The following PCSK5 variants were observed in gnomAD, a reference collection of about 807,000 sequenced individuals.
PCSK5 encodes the protein proprotein convertase subtilisin/kexin type 5, also known as prohormone convertase 5.
In PCSK5, 129 loss-of-function variants were observed where a neutral mutation model predicts 233.2. The observed-to-expected ratio is 0.55, with a 90% CI of 0.48 to 0.64. The LOEUF (loss-of-function observed/expected upper bound fraction) is 0.64. PCSK5 is among the 30% of genes least tolerant of loss of function. The pLI is 0.00. For missense variants in PCSK5, 2,076 were observed against 2,430.1 expected (o/e 0.85, Z 3.06); for synonymous variants, 825 against 879.2 (o/e 0.94, Z 1.09).
intron 13 of PCSK5, among the ~76,000 whole-genome samples, chr9:76,172,690 G>A (rs962381753): frequency 2.0e-5 from 3 of 152,192 alleles, no homozygotes; most frequent in South Asian, 2.1e-4. Context: ...TTGTACACTT[G>A]AGAGATGCCA....
chr9:75,907,865 G>A (rs1340229572), intron 1 of PCSK5, among the ~76,000 whole-genome samples: 2 of 152,176 alleles, frequency 1.3e-5, no homozygotes. Context: ...AAACAGTCAG[G>A]TTTGGTGCGC....
intron 24 of PCSK5, among the ~76,000 whole-genome samples, chr9:76,258,822 A>G (rs1564140343): frequency 6.6e-6 from 1 of 152,202 alleles, no homozygotes; most frequent in Non-Finnish European, 1.5e-5. Flanking sequence ...GAGAGTGAGT[A>G]CGGTCATTTA....
At chr9:76,218,256 T>C (rs1382851026) in intron 20 of PCSK5, among the ~76,000 whole-genome samples, 1 of 152,158 alleles carries the variant, frequency 6.6e-6, no homozygotes, top group Admixed American at 6.5e-5. Context: ...TTGTTTGGTA[T>C]AGGGAGGCTG....
rs1563988548 is a variant in PCSK5, at chr9:76,040,365, C to CTG, written c.632+13329_632+13330insGT. 2.8e-4 allele frequency among the ~76,000 whole-genome samples: 18 copies of CTG among 65,020 alleles called. No homozygotes were observed. The East Asian group carries it at 5.3e-3, about 19-fold the overall frequency. 42.7% of individuals were successfully genotyped at this position (65,020 alleles called of 152,430 possible). A position where few individuals can be genotyped will look rare whatever the true frequency, so the allele number is the denominator to read the frequency against. On this transcript the variant is annotated intron_variant, in intron 5 of 37. Coordinates refer to ENST00000674117, the MANE Select transcript of PCSK5 (RefSeq NM_001372043.1). ...TCTCTCTCTCTCTCTCTCTCTCTCTCTCTCTCTCTCTCTCTCTCTGTCTCT... is the reference window on the plus strand; with the variant it reads ...TCTCTCTCTCTCTCTCTCTCTCTCTCTGTCTCTCTCTCTCTCTCTCTGTCTCT...
At chr9:75,904,225 C>T (rs759597731) in intron 1 of PCSK5, among the ~76,000 whole-genome samples, 23 of 152,100 alleles carry the variant, frequency 1.5e-4, no homozygotes, top group Admixed American at 2.6e-4. Context: ...CTAGATCCAG[C>T]CCTGCCATGA....
Position 76,203,033 on chromosome 9 carries a change from A to C in PCSK5, c.2626+13287A>C, listed in dbSNP as rs544603440. On this transcript the variant is annotated intron_variant, in intron 20 of 37. Transcript: ENST00000674117. ...GGAATAGCTCTGATCCAATACTTGGACAACTAAGTTCTAGCGTGAATTCTG... is the reference window on the plus strand; with the variant it reads ...GGAATAGCTCTGATCCAATACTTGGCCAACTAAGTTCTAGCGTGAATTCTG... 7.9e-5 allele frequency among the ~76,000 whole-genome samples: 12 copies of C among 152,320 alleles called. No individual in the cohort carries two copies. In the East Asian group the frequency reaches 2.1e-3, roughly 27 times the overall value.
chr9:76,139,028 A>G (rs1823092825), intron 10 of PCSK5, among the ~76,000 whole-genome samples: 1 of 152,100 alleles, frequency 6.6e-6, no homozygotes, highest in Non-Finnish European at 1.5e-5. Context: ...TTGACAGTCT[A>G]ACATGACTTC....
intron 3 of PCSK5, among the ~76,000 whole-genome samples, chr9:76,015,877 CT>C (rs1011214817): frequency 1.3e-5 from 2 of 152,192 alleles, no homozygotes; most frequent in African/African-American, 4.8e-5. Context: ...CCAGCCTCAA[CT>C]CTTCCCATTT....
intron 7 of PCSK5, among the ~76,000 whole-genome samples, chr9:76,095,297 T>C (rs1831462011): frequency 1.3e-5 from 2 of 152,142 alleles, no homozygotes; most frequent in African/African-American, 2.4e-5. Flanking sequence ...TAATTCAGCA[T>C]AGAGGCATAA....
chr9:76,234,257 CA>C (rs779040010), intron 22 of PCSK5, among the ~76,000 whole-genome samples: 4 of 151,924 alleles, frequency 2.6e-5, no homozygotes, highest in Non-Finnish European at 4.4e-5. Context: ...TGGGACATTG[CA>C]AATAAAAACT....
At chr9:76,253,206 G>A (rs1480783355) in intron 24 of PCSK5, among the ~76,000 whole-genome samples, 4 of 151,850 alleles carry the variant, frequency 2.6e-5, no homozygotes, top group Non-Finnish European at 5.9e-5. Context: ...GTCTCCATGG[G>A]CAGATGGGGA....
intron 5 of PCSK5, among the ~76,000 whole-genome samples, chr9:76,030,183 A>C (rs1018427435): frequency 3.9e-5 from 6 of 152,156 alleles, no homozygotes; most frequent in Non-Finnish European, 8.8e-5. Flanking sequence ...AGTTTACTTC[A>C]GTTTTCTGTT....
chr9:76,126,017 C>A lies in PCSK5; in HGVS notation c.1209-8092C>A, dbSNP rs560685224. Among the ~76,000 whole-genome samples, 6 of 152,218 alleles carry A rather than the reference C, an allele frequency of 3.9e-5. No individual in the cohort carries two copies. The South Asian group carries it at 1.2e-3, about 32-fold the overall frequency. On this transcript the variant is annotated intron_variant, in intron 9 of 37. Coordinates refer to ENST00000674117, the MANE Select transcript of PCSK5 (RefSeq NM_001372043.1). ...ATTATCAGGGATTCTGGAAAGATAG[C>A]ATTTTGGCATCCCAAGATATATAAT... is the stretch of plus-strand genomic sequence containing the variant.
chr9:76,240,860 T>C (rs1335081150), intron 24 of PCSK5, among the ~76,000 whole-genome samples, 176 bp downstream of exon 24: 5 of 152,238 alleles, frequency 3.3e-5, no homozygotes, highest in Non-Finnish European at 7.3e-5. Flanking sequence ...GAGGAAATAC[T>C]TGCTTTTGAA....
chr9:75,932,320 A>G (rs1004138456), intron 1 of PCSK5, 59 bp from the exon 2 acceptor site: 44 of 1,001,674 alleles, frequency 4.4e-5, no homozygotes, highest in Non-Finnish European at 5.7e-5. Flanking sequence ...AAAACAGAAG[A>G]CGGTTTTCAC....
chr9:76,185,111 C>T (rs543869516), intron 17 of PCSK5, among the ~76,000 whole-genome samples: 3 of 152,258 alleles, frequency 2.0e-5, no homozygotes, highest in Middle Eastern at 6.8e-3. Flanking sequence ...TATTTAATCC[C>T]CCGATTCATT....
In PCSK5 at chr9:75,962,019, G is replaced by A. The variant is rs139080520; in HGVS notation, c.298-24113G>A. Among the ~76,000 whole-genome samples the A allele has an allele frequency of 5.6e-3, 850 of 152,310 alleles. 7 individuals carry two copies. The highest frequency in any genetic ancestry group is 9.0e-3 in the Non-Finnish European group (612 of 68,032). Reference sequence around the variant, plus strand: ...GGTTACTGCCCAGGTAGAGTACAGGGTTCCTGTGCGGGTATGGAAAATAAA... The same window carrying A: ...GGTTACTGCCCAGGTAGAGTACAGGATTCCTGTGCGGGTATGGAAAATAAA... On this transcript the variant is annotated intron_variant, in intron 2 of 37. Transcript: ENST00000674117.
At chr9:76,348,892 G>T (rs538315326) in intron 35 of PCSK5, among the ~76,000 whole-genome samples, 1 of 151,882 alleles carries the variant, frequency 6.6e-6, no homozygotes, top group East Asian at 1.9e-4. Flanking sequence ...GTGAGAACAT[G>T]TATCTACCCT....
At chr9:76,140,233 T>G (rs11144764) in intron 10 of PCSK5, among the ~76,000 whole-genome samples, 1 of 151,998 alleles carries the variant, frequency 6.6e-6, no homozygotes, top group African/African-American at 2.4e-5. Context: ...CAAGATGTAA[T>G]TAGTTAATGA....
Sources: allele counts gnomAD v4.1 joint callset (sites outside exome capture counted in the v4.1 genomes callset), GRCh38; gene constraint gnomAD v4.1.1; transcripts MANE v1.5; gene names NCBI Gene and HGNC (gene_info 2026-07-23, HGNC 2026-07-21).